TRIM37: variants seen among roughly 807,000 people sequenced by gnomAD.
TRIM37 encodes the protein tripartite motif containing 37.
A neutral mutation model predicts 129.8 loss-of-function variants in TRIM37; 80 were observed. The ratio of observed to expected loss-of-function variants is 0.62; its 90% CI spans 0.51 to 0.74. The LOEUF (loss-of-function observed/expected upper bound fraction) is 0.74, where lower values mean the gene tolerates loss of function less well. Among genes scored for constraint, TRIM37 ranks in the 30% least tolerant of loss-of-function variants. The pLI, the probability that TRIM37 is intolerant of heterozygous loss-of-function variation, is 0.00. For synonymous variants in TRIM37, 389 were observed against 387.1 expected, an observed-to-expected ratio of 1.00 and a Z score of -0.06; for missense variants, 1,054 against 1,176.5, an observed-to-expected ratio of 0.90 and a Z score of 1.52.
the TRIM37 span, chr17:58,969,503 C>A: frequency 6.2e-7 from 1 of 1,605,632 alleles, no homozygotes; most frequent in Non-Finnish European, 8.5e-7. Context: ...CATGCTATAC[C>A]CAACTCCCAT....
chr17:59,104,244 C>G lies in TRIM37; in HGVS notation c.123+49G>C. The G allele has an allele frequency of 6.6e-6, 10 of 1,516,850 alleles. 1 individual carries two copies. Among genetic ancestry groups the G allele is most frequent in the Non-Finnish European group, 9.1e-6 (10 of 1,097,100 alleles). The allele number at this position is 1,516,850 out of a possible 1,614,324, so 94.0% of individuals were successfully genotyped here. A position where few individuals can be genotyped will look rare whatever the true frequency, so the allele number is the denominator to read the frequency against. On this transcript the variant is annotated intron_variant, in intron 2 of 23. Coordinates refer to ENST00000262294, the MANE Select transcript of TRIM37 (RefSeq NM_015294.6). Reference sequence around the variant, plus strand: ...AGATAAGGGAAATGGTTAATCCTTACAATATATACTATATATACTAACTGC... The same window carrying G: ...AGATAAGGGAAATGGTTAATCCTTAGAATATATACTATATATACTAACTGC...
chr17:59,041,818 G>T lies in TRIM37; in HGVS notation c.1748C>A (p.Pro583His), dbSNP rs147363016. Residue 583 changes from proline (P) to histidine (H), a missense_variant, in exon 17 of 24, where the codon CCC (proline) becomes CAC (histidine). Physicochemically the swap from Pro to His is moderately conservative, Grantham distance 77. Around this residue, in one of 3 missense-constraint regions of TRIM37, gnomAD observed 752 missense variants for 870.8 expected, o/e 0.86. Coordinates refer to ENST00000262294, the MANE Select transcript of TRIM37 (RefSeq NM_015294.6). ...CAGTGGAGTGACCTCATTACCTGCG[G>T]GTCCTGCAGCAGCTGCATCTTCCAT... ...ELMEDAAAAGPAGSSHGYVGS... is the reference protein window; with the variant it reads ...ELMEDAAAAGHAGSSHGYVGS... 6.9e-4 allele frequency: 1,110 copies of T among 1,613,184 alleles called. 10 individuals are homozygous for T. In the African/African-American group the frequency reaches 0.012, roughly 18 times the overall value.
chr17:59,039,640 C>T (rs1344875071), intron 17 of TRIM37, among the ~76,000 whole-genome samples: 1 of 151,982 alleles, frequency 6.6e-6, no homozygotes, highest in Non-Finnish European at 1.5e-5. Flanking sequence ...CCACCACACC[C>T]GGCCCAGGAT....
chr17:59,024,257 T>C (rs1377721110), intron 19 of TRIM37, among the ~76,000 whole-genome samples: 2 of 145,294 alleles, frequency 1.4e-5, no homozygotes, highest in African/African-American at 5.1e-5. Context: ...ATTGGTTGAA[T>C]ACAGAATAAA....
chr17:59,081,964 A>AAATAATAAT (rs1371563147), intron 5 of TRIM37, among the ~76,000 whole-genome samples: 53 of 87,002 alleles, frequency 6.1e-4, no homozygotes, highest in African/African-American at 1.1e-3. Context: ...AAAAAAAAAA[A>AAATAATAAT]AATAATAATA....
chr17:59,010,518 G>A (rs1262274202), intron 22 of TRIM37, among the ~76,000 whole-genome samples: 1 of 152,134 alleles, frequency 6.6e-6, no homozygotes, highest in East Asian at 1.9e-4. Flanking sequence ...ATTTGAGATA[G>A]AGTCTCACTC....
Position 58,999,217 on chromosome 17 carries a change from A to G in TRIM37, c.*160T>C. On this transcript the variant is annotated 3_prime_UTR_variant, in exon 24 of 24. Transcript: ENST00000262294. ...ATGTACTACTGCTGTCTTAGACTAA[A>G]CTGTGCCACCTTCCAACAGTTTCCA... 1 of 1,529,814 alleles carries G rather than the reference A, an allele frequency of 6.5e-7. No individual in the cohort carries two copies. Among genetic ancestry groups the G allele is most frequent in the South Asian group, 1.2e-5 (1 of 82,122 alleles). The allele number at this position is 1,529,814 out of a possible 1,614,324, so 94.8% of individuals were successfully genotyped here. A position where few individuals can be genotyped will look rare whatever the true frequency, so the allele number is the denominator to read the frequency against.
chr17:58,997,730 A>C (rs1252885454), downstream of TRIM37, among the ~76,000 whole-genome samples: 1 of 152,210 alleles, frequency 6.6e-6, no homozygotes, highest in African/African-American at 2.4e-5. Flanking sequence ...AAAAATAAAA[A>C]TAAAAAAACA....
Position 59,015,674 on chromosome 17 carries a change from C to G in TRIM37, c.2512G>C (p.Val838Leu), listed in dbSNP as rs7222388. ...RQCKALDSDA[V>L]VVAVFSGLPA... ...AAGCCACTGAAAACTGCAACCACAACAGCATCTGAATCCAAAGCTTTACAC... is the reference window on the plus strand; with the variant it reads ...AAGCCACTGAAAACTGCAACCACAAGAGCATCTGAATCCAAAGCTTTACAC... Residue 838 changes from valine (V) to leucine (L), a missense_variant, in exon 21 of 24, where the codon GTT becomes CTT. Physicochemically the swap from Val to Leu is conservative, Grantham distance 32. Transcript: ENST00000262294. 1.7e-5 allele frequency: 27 copies of G among 1,614,128 alleles called. No individual in the cohort carries two copies. The highest frequency in any genetic ancestry group is 2.2e-5 in the Non-Finnish European group (26 of 1,180,028).
intron 5 of TRIM37, among the ~76,000 whole-genome samples, chr17:59,082,061 G>C (rs2043347032): frequency 6.6e-6 from 1 of 151,228 alleles, no homozygotes; most frequent in Admixed American, 6.6e-5. Context: ...CCTGAGGTCA[G>C]GAGTTCGAGA....
chr17:59,037,557 CAA>C (rs58856834), intron 17 of TRIM37, among the ~76,000 whole-genome samples: 950 of 73,660 alleles, frequency 0.013, 27 homozygotes, highest in Admixed American at 0.014. Context: ...GACTCTGTCT[CAA>C]AAAAAAAAAA....
At chr17:59,082,443 A>C (rs571578966) in intron 5 of TRIM37, among the ~76,000 whole-genome samples, 2 of 152,332 alleles carry the variant, frequency 1.3e-5, no homozygotes, top group Admixed American at 1.3e-4. Context: ...TATCAAGCCA[A>C]TTGAGTATGT....
chr17:59,028,785 C>T (rs2145523275), intron 18 of TRIM37, 62 bp from the exon 19 acceptor site: 4 of 1,570,666 alleles, frequency 2.5e-6, no homozygotes, highest in Middle Eastern at 1.7e-4. Flanking sequence ...TCATTTGTAC[C>T]ATGAATATAT....
chr17:59,064,611 T>A (rs1322757504), intron 9 of TRIM37, among the ~76,000 whole-genome samples: 2 of 152,108 alleles, frequency 1.3e-5, no homozygotes, highest in African/African-American at 4.8e-5. Context: ...ATACAAATAC[T>A]TTATAAAAGT....
chr17:59,051,976 C>T (rs1036142833), intron 13 of TRIM37, among the ~76,000 whole-genome samples: 2 of 151,990 alleles, frequency 1.3e-5, no homozygotes, highest in African/African-American at 2.4e-5. Flanking sequence ...GTATTTCCTG[C>T]CCCTCAGAAA....
chr17:59,091,565 T>TA (rs1390737442), intron 2 of TRIM37, among the ~76,000 whole-genome samples: 3 of 3,818 alleles, frequency 7.9e-4, no homozygotes, highest in South Asian at 5.4e-3. Flanking sequence ...ACATTATATA[T>TA]ATAATATATA....
At chr17:59,093,463 G>A (rs900542999) in intron 2 of TRIM37, among the ~76,000 whole-genome samples, 1 of 152,114 alleles carries the variant, frequency 6.6e-6, no homozygotes, top group African/African-American at 2.4e-5. Context: ...TCATTGTTTA[G>A]ATTTCAGTTC....
intron 19 of TRIM37, among the ~76,000 whole-genome samples, chr17:59,019,436 G>A (rs189430641): frequency 8.7e-4 from 133 of 152,272 alleles, no homozygotes; most frequent in African/African-American, 2.7e-3. Flanking sequence ...CAGGCTGGGC[G>A]CAGTGGCTCA....
At chr17:59,088,008 C>G (rs2043929020) in intron 4 of TRIM37, 1 of 571,670 alleles carries the variant, frequency 1.7e-6, no homozygotes, top group Non-Finnish European at 3.1e-6. Flanking sequence ...GAAATCATGT[C>G]TCATTTACCT....
Sources: allele counts gnomAD v4.1 joint callset (sites outside exome capture counted in the v4.1 genomes callset), GRCh38; gene constraint gnomAD v4.1.1; regional missense constraint gnomAD v4.1.1; transcripts MANE v1.5; gene names NCBI Gene and HGNC (gene_info 2026-07-23, HGNC 2026-07-21).